UPK3A: variants seen among roughly 807,000 people sequenced by gnomAD.
UPK3A encodes uroplakin-3a.
Under a neutral mutation model 27.6 loss-of-function variants are expected in UPK3A, and 32 were observed. The ratio of observed to expected loss-of-function variants is 1.16; its 90% confidence interval spans 0.87 to 1.55. The LOEUF (loss-of-function observed/expected upper bound fraction) is 1.55, where lower values mean the gene tolerates loss of function less well. Ranked by LOEUF, UPK3A falls within the 40% of genes most tolerant of loss-of-function variation. The pLI is 0.00. For missense variants in UPK3A, 370 were observed against 367.9 expected (o/e 1.01, Z -0.05); for synonymous variants, 171 against 163.9 (o/e 1.04, Z -0.33).
At chr22:45,285,184 A>T in intron 1 of UPK3A, 119 bp downstream of exon 1, 1 of 933,918 alleles carries the variant, frequency 1.1e-6, no homozygotes, top group South Asian at 1.7e-5. Flanking sequence ...ACTGTTATGA[A>T]TAATAGTGAT....
In UPK3A at chr22:45,295,617, T is replaced by A. The variant is rs961071462; in HGVS notation, c.762T>A (p.Ala254=). 24 of 1,613,866 alleles carry A rather than the reference T, an allele frequency of 1.5e-5. No homozygotes were observed. Among genetic ancestry groups the A allele is most frequent in the Non-Finnish European group, 1.9e-5 (23 of 1,180,030 alleles). Residue 254 remains alanine, a synonymous_variant, in exon 6 of 6, where the codon GCT becomes GCA. Coordinates refer to ENST00000216211, the MANE Select transcript of UPK3A (RefSeq NM_006953.4). The part of the protein sequence containing the change: ...TTHDSQITQE[A]VPKSLGASES... Reference sequence around the variant, plus strand: ...ACGACTCCCAAATCACTCAGGAGGCTGTTCCCAAGTCGCTGGGGGCCTCGG... The same window carrying A: ...ACGACTCCCAAATCACTCAGGAGGCAGTTCCCAAGTCGCTGGGGGCCTCGG...
intron 3 of UPK3A, 109 bp from the exon 4 acceptor site, chr22:45,288,952 C>A: frequency 1.0e-6 from 1 of 1,003,762 alleles, no homozygotes; most frequent in Non-Finnish European, 1.5e-6. Context: ...CCTGGAAGGG[C>A]CCCCGCTGCC....
chr22:45,289,175 C>G, intron 4 of UPK3A, 32 bp downstream of exon 4: 1 of 1,610,044 alleles, frequency 6.2e-7, no homozygotes, highest in Admixed American at 1.7e-5. Context: ...TGGTGATGCT[C>G]AAGGGGACCC....
intron 4 of UPK3A, among the ~76,000 whole-genome samples, chr22:45,289,447 G>A (rs1193419881): frequency 5.9e-5 from 9 of 151,880 alleles, no homozygotes; most frequent in Non-Finnish European, 1.2e-4. Flanking sequence ...GGCGTGGTGG[G>A]GGTGCCTTTA....
chr22:45,292,045 G>A (rs1390567458), intron 4 of UPK3A, among the ~76,000 whole-genome samples: 1 of 152,124 alleles, frequency 6.6e-6, no homozygotes, highest in African/African-American at 2.4e-5. Context: ...GCATTCCCAC[G>A]CAGTGTGGTT....
In UPK3A at chr22:45,287,398, T is replaced by A; in HGVS notation, c.435T>A (p.Asp145Glu). 1.2e-6 allele frequency: 2 copies of A among 1,611,986 alleles called. No individual in the cohort carries two copies. Among genetic ancestry groups the A allele is most frequent in the Non-Finnish European group, 8.5e-7 (1 of 1,179,138 alleles). Residue 145 changes from aspartate to glutamate, a missense_variant, in exon 3 of 6, where the codon GAT (aspartate) becomes GAA (glutamate). Coordinates refer to ENST00000216211, the MANE Select transcript of UPK3A (RefSeq NM_006953.4). ...RVGANGTCLWDPNFQGLCNAP... is the reference protein window; with the variant it reads ...RVGANGTCLWEPNFQGLCNAP... ...GTGCCAACGGGACCTGCCTGTGGGA[T>A]CCCAACTTCCAGGGCCTCTGTAACG...
At chr22:45,286,913 G>A (rs1157169028) in intron 2 of UPK3A, among the ~76,000 whole-genome samples, 1 of 152,148 alleles carries the variant, frequency 6.6e-6, no homozygotes, top group African/African-American at 2.4e-5. Flanking sequence ...AAGAGACAAA[G>A]GTCTGTTGGG....
intron 4 of UPK3A, 94 bp from the exon 5 acceptor site, chr22:45,293,087 G>A (rs893126344): frequency 2.9e-5 from 45 of 1,572,946 alleles, no homozygotes; most frequent in Middle Eastern, 1.7e-4. Flanking sequence ...CTGGATCCCC[G>A]GCAGCCAGGG....
At position 45,285,012 on chromosome 22, in the gene UPK3A, C is replaced by A. The variant is rs1555905058; in HGVS notation, c.-2C>A. 3 of 1,531,368 alleles carry A rather than the reference C, an allele frequency of 2.0e-6. No homozygotes were observed. Among genetic ancestry groups the A allele is most frequent in the South Asian group, 2.4e-5 (2 of 83,752 alleles). The allele number at this position is 1,531,368 out of a possible 1,614,324, so 94.9% of individuals were successfully genotyped here. ...CCGCGCTCTGGCGGCTCCTCCCGGG[C>A]GATGCCTCCGCTCTGGGCCCTGCTG... On this transcript the variant is annotated 5_prime_UTR_variant, in exon 1 of 6. Coordinates refer to ENST00000216211, the MANE Select transcript of UPK3A (RefSeq NM_006953.4).
Position 45,285,948 on chromosome 22 carries a change from C to A in UPK3A, c.60C>A (p.Asn20Lys), listed in dbSNP as rs1483724521. 2 of 1,614,034 alleles carry A rather than the reference C, an allele frequency of 1.2e-6. No homozygotes were observed. Among genetic ancestry groups the A allele is most frequent in the Non-Finnish European group, 1.7e-6 (2 of 1,180,010 alleles). Residue 20 changes from asparagine to lysine, a missense_variant, in exon 2 of 6, where the codon AAC becomes AAA. Physicochemically the swap from Asn to Lys is moderately conservative, Grantham distance 94. Coordinates refer to ENST00000216211, the MANE Select transcript of UPK3A (RefSeq NM_006953.4). ...LGCLRFGSAVNLQPQLASVTF... is the reference protein window; with the variant it reads ...LGCLRFGSAVKLQPQLASVTF... ...CCTCACTGCCTCCTCCAGCTGTGAA[C>A]CTGCAGCCCCAACTGGCCAGTGTGA...
At chr22:45,289,632 T>C (rs1319534865) in intron 4 of UPK3A, among the ~76,000 whole-genome samples, 2 of 148,786 alleles carry the variant, frequency 1.3e-5, no homozygotes, top group Non-Finnish European at 1.5e-5. Flanking sequence ...CACGTGCCTG[T>C]AATCCCAGCT....
At chr22:45,290,856 G>T (rs111470953) in intron 4 of UPK3A, among the ~76,000 whole-genome samples, 2 of 152,140 alleles carry the variant, frequency 1.3e-5, no homozygotes, top group Non-Finnish European at 2.9e-5. Context: ...TGTGAACTGC[G>T]CATGCCAGGG....
In UPK3A at chr22:45,285,969, T is replaced by C. The variant is rs1414182924; in HGVS notation, c.81T>C (p.Ser27=). ...SAVNLQPQLA[S]VTFATNNPTL... is the part of the protein sequence containing the mutation. ...TGAACCTGCAGCCCCAACTGGCCAG[T>C]GTGACTTTCGCCACCAACAACCCCA... is the stretch of plus-strand genomic sequence containing the variant. The change falls in exon 2 of 6, where the codon AGT becomes AGC. Residue 27 remains serine, a synonymous_variant. Transcript: ENST00000216211. The C allele has an allele frequency of 2.5e-6, 4 of 1,614,110 alleles. No individual in the cohort carries two copies. Among genetic ancestry groups the C allele is most frequent in the South Asian group, 1.1e-5 (1 of 91,086 alleles).
At chr22:45,286,476 T>A (rs2084118920) in intron 2 of UPK3A, among the ~76,000 whole-genome samples, 1 of 152,046 alleles carries the variant, frequency 6.6e-6, no homozygotes, top group African/African-American at 2.4e-5. Context: ...AAGCCCAAGG[T>A]CCTTCCTGAG....
chr22:45,289,677 T>G (rs1477415616), intron 4 of UPK3A, among the ~76,000 whole-genome samples: 1 of 148,564 alleles, frequency 6.7e-6, no homozygotes, highest in East Asian at 2.0e-4. Flanking sequence ...TCGCTTGAAC[T>G]GGGGAGTCAG....
chr22:45,295,668 G>C lies in UPK3A; in HGVS notation c.813G>C (p.Arg271=). The C allele has an allele frequency of 6.2e-7, 1 of 1,613,958 alleles. No individual in the cohort carries two copies. The highest frequency in any genetic ancestry group is 1.1e-5 in the South Asian group (1 of 91,080). ...AGTCTTCCTACACGTCCGTGAACCGGGGGCCGCCACTGGACAGGGCTGAGG... is the reference window on the plus strand; with the variant it reads ...AGTCTTCCTACACGTCCGTGAACCGCGGGCCGCCACTGGACAGGGCTGAGG... ...ASESSYTSVN[R]GPPLDRAEVY... The change falls in exon 6 of 6, where the codon CGG becomes CGC. Residue 271 remains arginine, a synonymous_variant. Transcript: ENST00000216211.
intron 4 of UPK3A, 125 bp from the exon 5 acceptor site, chr22:45,293,056 C>T (rs1601850396): frequency 7.1e-7 from 1 of 1,414,624 alleles, no homozygotes; most frequent in Middle Eastern, 1.9e-4. Flanking sequence ...GAAGTCGCCC[C>T]ACTGGGTCCC....
chr22:45,295,651 TA>T lies in UPK3A; in HGVS notation c.797del (p.Tyr266SerfsTer4). ...GTCGCTGGGGGCCTCGGAGTCTTCC[TA>T]CACGTCCGTGAACCGGGGGCCGCCA... ...PKSLGASESS[Y>X]TSVNRGPPLD... is the part of the protein sequence containing the mutation. On this transcript the variant is annotated frameshift_variant, in exon 6 of 6. Coordinates refer to ENST00000216211, the MANE Select transcript of UPK3A (RefSeq NM_006953.4). LOFTEE classifies it high-confidence loss of function. 1 of 1,613,972 alleles carries T rather than the reference TA, an allele frequency of 6.2e-7. No individual in the cohort carries two copies. Among genetic ancestry groups the T allele is most frequent in the Middle Eastern group, 1.7e-4 (1 of 6,056 alleles).
chr22:45,292,864 C>T (rs111651412), intron 4 of UPK3A, among the ~76,000 whole-genome samples: 29 of 151,110 alleles, frequency 1.9e-4, no homozygotes, highest in Admixed American at 1.5e-3. Flanking sequence ...GCCAGGATGG[C>T]GCCACTGCAC....
Sources: allele counts gnomAD v4.1 joint callset (sites outside exome capture counted in the v4.1 genomes callset), GRCh38; gene constraint gnomAD v4.1.1; transcripts MANE v1.5; gene names NCBI Gene and HGNC (gene_info 2026-07-23, HGNC 2026-07-21).